The following GRM1 variants were observed in gnomAD, a reference collection of about 807,000 sequenced individuals.
The protein encoded by GRM1 is glutamate metabotropic receptor 1, also known as metabotropic glutamate receptor 1.
Under a neutral mutation model 90.9 loss-of-function variants are expected in GRM1, and 33 were observed. The ratio of observed to expected loss-of-function variants is 0.36; its 90% confidence interval spans 0.28 to 0.49. The LOEUF is 0.49. Among genes scored for constraint, GRM1 ranks in the 20% least tolerant of loss-of-function variants. The pLI, the probability that GRM1 is intolerant of heterozygous loss-of-function variation, is 0.99. For synonymous variants in GRM1, 700 were observed against 613.2 expected, an observed-to-expected ratio of 1.14 and a Z score of -2.09; for missense variants, 1,190 against 1,534.3, an observed-to-expected ratio of 0.78 and a Z score of 3.75.
chr6:146,244,042 C>G (rs1325230856), intron 2 of GRM1, among the ~76,000 whole-genome samples: 1 of 152,068 alleles, frequency 6.6e-6, no homozygotes, highest in African/African-American at 2.4e-5. Context: ...TGGTTATCTC[C>G]CTTGTTCCCT....
chr6:146,236,030 G>T (rs1780635427), intron 2 of GRM1, among the ~76,000 whole-genome samples: 1 of 151,886 alleles, frequency 6.6e-6, no homozygotes, highest in South Asian at 2.1e-4. Context: ...CTTGGAAATG[G>T]GTTTGCCTTG....
At chr6:146,184,381 A>G (rs1039771518) in intron 2 of GRM1, among the ~76,000 whole-genome samples, 1 of 152,018 alleles carries the variant, frequency 6.6e-6, no homozygotes, top group African/African-American at 2.4e-5. Context: ...CCATTGTTCT[A>G]TTGTTTACAA....
intron 7 of GRM1, among the ~76,000 whole-genome samples, chr6:146,401,719 CT>C (rs1344319819): frequency 1.3e-5 from 2 of 152,156 alleles, no homozygotes; most frequent in Admixed American, 6.5e-5. Context: ...AGTTTTTCTT[CT>C]AACCATTTAT....
chr6:146,184,769 A>C (rs1778669162), intron 2 of GRM1, among the ~76,000 whole-genome samples: 1 of 152,190 alleles, frequency 6.6e-6, no homozygotes, highest in Non-Finnish European at 1.5e-5. Context: ...TCTCATCCTC[A>C]TGCAGGGATG....
chr6:146,293,258 TTGA>T (rs906600279), intron 2 of GRM1, among the ~76,000 whole-genome samples: 1 of 152,112 alleles, frequency 6.6e-6, no homozygotes, highest in African/African-American at 2.4e-5. Flanking sequence ...TTTAAAATGG[TTGA>T]TGTTATGTAA....
chr6:146,422,580 T>C (rs931226403), intron 7 of GRM1, among the ~76,000 whole-genome samples: 7 of 152,148 alleles, frequency 4.6e-5, no homozygotes, highest in African/African-American at 1.4e-4. Flanking sequence ...AAAAATTGAG[T>C]CTGAAAGAAG....
chr6:146,279,339 C>T (rs1008443828), intron 2 of GRM1, among the ~76,000 whole-genome samples: 1 of 152,000 alleles, frequency 6.6e-6, no homozygotes, highest in Non-Finnish European at 1.5e-5. Context: ...CTATTACATA[C>T]TCTCTTTTTT....
At chr6:146,077,875 C>A (rs1409581667) in intron 1 of GRM1, among the ~76,000 whole-genome samples, 1 of 152,120 alleles carries the variant, frequency 6.6e-6, no homozygotes, top group Non-Finnish European at 1.5e-5. Context: ...GCAGAGGCAA[C>A]TCAATGCTGG....
intron 2 of GRM1, among the ~76,000 whole-genome samples, chr6:146,178,618 T>G (rs1778422660): frequency 6.6e-6 from 1 of 152,246 alleles, no homozygotes; most frequent in Non-Finnish European, 1.5e-5. Context: ...TCATGTCTTC[T>G]GCGCTCAATA....
intron 2 of GRM1, among the ~76,000 whole-genome samples, chr6:146,299,834 C>A (rs1455392620): frequency 6.6e-6 from 1 of 152,128 alleles, no homozygotes; most frequent in Non-Finnish European, 1.5e-5. Context: ...TGCAAATCCA[C>A]TGGGCTGTAC....
Position 146,092,651 on chromosome 6 carries a change from A to G in GRM1, c.700+62434A>G, listed in dbSNP as rs117832659. On this transcript the variant is annotated intron_variant, in intron 1 of 7. Transcript: ENST00000282753. ...GGCTTTCTGACTCTCCCCACACTGAATTTATCCATCTTGTCACAGGTCAGA... is the reference window on the plus strand; with the variant it reads ...GGCTTTCTGACTCTCCCCACACTGAGTTTATCCATCTTGTCACAGGTCAGA... Among the ~76,000 whole-genome samples the G allele has an allele frequency of 1.0e-3, 156 of 152,090 alleles. 1 individual carries two copies. The East Asian group carries it at 0.027, about 27-fold the overall frequency.
At chr6:146,365,966 A>G (rs1389998771) in intron 5 of GRM1, among the ~76,000 whole-genome samples, 1 of 152,092 alleles carries the variant, frequency 6.6e-6, no homozygotes, top group African/African-American at 2.4e-5. Flanking sequence ...CCCTTGCCTC[A>G]TCTTGGTTTC....
intron 1 of GRM1, among the ~76,000 whole-genome samples, chr6:146,096,847 A>G (rs1295456143): frequency 6.6e-6 from 1 of 152,166 alleles, no homozygotes; most frequent in East Asian, 1.9e-4. Flanking sequence ...GTAGCATTTA[A>G]TGTTATCTAC....
intron 7 of GRM1, among the ~76,000 whole-genome samples, chr6:146,425,351 G>A (rs895471241): frequency 1.3e-5 from 2 of 152,178 alleles, no homozygotes; most frequent in Non-Finnish European, 2.9e-5. Flanking sequence ...TCAGGCCTCA[G>A]CCTGAGAGAC....
chr6:146,434,434 C>G lies in GRM1; in HGVS notation c.3223C>G (p.Leu1075Val), dbSNP rs1236327108. ...LYPPPPPPQH[L>V]QMLPLQLSTF... The stretch of plus-strand genomic sequence containing the variant: ...CCCGCCCCCGCCACCTCCGCAGCAC[C>G]TGCAGATGCTGCCGCTGCAGCTGAG... Residue 1075 changes from leucine (L) to valine (V), a missense_variant, in exon 8 of 8, where the codon CTG becomes GTG. Physicochemically the swap from Leu to Val is conservative, Grantham distance 32. Coordinates refer to ENST00000282753, the MANE Select transcript of GRM1 (RefSeq NM_001278064.2). 1.2e-6 allele frequency: 2 copies of G among 1,613,904 alleles called. No individual in the cohort carries two copies. Among genetic ancestry groups the G allele is most frequent in the East Asian group, 2.2e-5 (1 of 44,862 alleles).
At position 146,326,393 on chromosome 6, in the gene GRM1, A is replaced by G. The variant is rs1461586531; in HGVS notation, c.1186+21547A>G. ...TCATAAGTGGGAGCTAAATGATGAG[A>G]ACACATGGACACATCGAGGGAAACA... On this transcript the variant is annotated intron_variant, in intron 3 of 7. Coordinates refer to ENST00000282753, the MANE Select transcript of GRM1 (RefSeq NM_001278064.2). Among the ~76,000 whole-genome samples the G allele has an allele frequency of 2.6e-5, 4 of 152,138 alleles. No homozygotes were observed. The East Asian group carries it at 7.7e-4, about 29-fold the overall frequency.
chr6:146,107,031 G>T (rs187802014), intron 1 of GRM1, among the ~76,000 whole-genome samples: 288 of 152,200 alleles, frequency 1.9e-3, no homozygotes, highest in African/African-American at 5.9e-3. Flanking sequence ...TTTCTCCTTT[G>T]GCCTCAGTGG....
chr6:146,065,472 C>T (rs1190793302), intron 1 of GRM1, among the ~76,000 whole-genome samples: 1 of 152,172 alleles, frequency 6.6e-6, no homozygotes, highest in Non-Finnish European at 1.5e-5. Flanking sequence ...AGATAATAAT[C>T]ATACTTATCT....
At chr6:146,058,649 CT>C (rs912118866) in intron 1 of GRM1, among the ~76,000 whole-genome samples, 11 of 152,084 alleles carry the variant, frequency 7.2e-5, no homozygotes, top group African/African-American at 2.7e-4. Context: ...TCATTAACGA[CT>C]TCTCTGTAGC....
Sources: gnomAD v4.1 joint callset for allele counts (sites outside exome capture counted in the v4.1 genomes callset) on GRCh38, gnomAD v4.1.1 for gene constraint, MANE v1.5 for transcripts, NCBI Gene and HGNC (gene_info 2026-07-23, HGNC 2026-07-21) for gene names.